MALRD1: variants seen among roughly 807,000 people sequenced by gnomAD.
The protein encoded by MALRD1 is MAM and LDL receptor class A domain containing 1.
Under a neutral mutation model 242.1 loss-of-function variants are expected in MALRD1, and 247 were observed. That is an observed-to-expected ratio of 1.02 (90% CI 0.92 to 1.13). MALRD1 has a LOEUF of 1.13. MALRD1 is among the 50% of genes most tolerant of loss of function. The pLI is 0.00. For synonymous variants in MALRD1, 995 were observed against 866.6 expected, an observed-to-expected ratio of 1.15 and a Z score of -2.60; for missense variants, 2,989 against 2,533.1, an observed-to-expected ratio of 1.18 and a Z score of -3.86.
At chr10:19,499,894 T>G (rs569581562) in intron 31 of MALRD1, among the ~76,000 whole-genome samples, 5 of 152,302 alleles carry the variant, frequency 3.3e-5, no homozygotes, top group African/African-American at 1.2e-4. Flanking sequence ...CCTAATTCCT[T>G]CTATATGGTG....
intron 30 of MALRD1, among the ~76,000 whole-genome samples, chr10:19,493,836 G>A (rs1057109983): frequency 1.3e-5 from 2 of 151,616 alleles, no homozygotes; most frequent in Admixed American, 6.6e-5. Context: ...CAAAAAACAC[G>A]ACAAAAGTGT....
intron 38 of MALRD1, among the ~76,000 whole-genome samples, chr10:19,718,000 CTAAATAAATAAA>C (rs751306181): frequency 2.3e-5 from 3 of 128,058 alleles, no homozygotes; most frequent in Admixed American, 1.5e-4. Flanking sequence ...GAGATTCTAC[CTAAATAAATAAA>C]TAAATAAATA....
rs368335051 is a variant in MALRD1, at chr10:19,214,059, A to G, written c.2991+4379A>G. ...GGGTGTTCTTTCCCCAACCATAGGT[A>G]CTTTTCTCTATGCCTGTCCTAACAA... On this transcript the variant is annotated intron_variant, in intron 18 of 39. Transcript: ENST00000454679. 5.6e-4 allele frequency among the ~76,000 whole-genome samples: 86 copies of G among 152,280 alleles called. 2 individuals are homozygous for G. Among genetic ancestry groups the G allele is most frequent in the African/African-American group, 2.0e-3 (85 of 41,554 alleles).
At chr10:19,335,740 G>A (rs1387306963) in intron 24 of MALRD1, among the ~76,000 whole-genome samples, 1 of 151,940 alleles carries the variant, frequency 6.6e-6, no homozygotes. Flanking sequence ...TACCATCTAG[G>A]AATAGCAGAA....
At chr10:19,586,265 G>T (rs1471547926) in intron 33 of MALRD1, among the ~76,000 whole-genome samples, 2 of 152,176 alleles carry the variant, frequency 1.3e-5, no homozygotes, top group Non-Finnish European at 2.9e-5. Context: ...TCTGTTGCTG[G>T]TGAGGAACTG....
intron 26 of MALRD1, among the ~76,000 whole-genome samples, chr10:19,374,543 C>T (rs1266790073): frequency 6.6e-6 from 1 of 152,192 alleles, no homozygotes; most frequent in East Asian, 1.9e-4. Context: ...CATCTTATTT[C>T]ATAAGTGATT....
intron 5 of MALRD1, among the ~76,000 whole-genome samples, chr10:19,113,432 C>T (rs1157757947): frequency 1.3e-5 from 2 of 151,922 alleles, no homozygotes; most frequent in Non-Finnish European, 2.9e-5. Flanking sequence ...CATTCCATGA[C>T]TTTTCTTTTT....
chr10:19,537,184 G>T (rs1358731466), intron 32 of MALRD1, among the ~76,000 whole-genome samples: 1 of 152,074 alleles, frequency 6.6e-6, no homozygotes, highest in Admixed American at 6.6e-5. Flanking sequence ...AAAAACCATG[G>T]GAAGCTATCG....
At chr10:19,411,916 C>G (rs1409993966) in intron 28 of MALRD1, among the ~76,000 whole-genome samples, 1 of 152,180 alleles carries the variant, frequency 6.6e-6, no homozygotes, top group African/African-American at 2.4e-5. Context: ...AAAGTATAAG[C>G]CTTGTGGGAC....
chr10:19,371,418 T>C (rs74121502), intron 26 of MALRD1, among the ~76,000 whole-genome samples: 2,465 of 152,324 alleles, frequency 0.016, 63 homozygotes, highest in African/African-American at 0.056. Flanking sequence ...TTTATCATCA[T>C]TGAACATGAC....
At chr10:19,365,531 T>C (rs1845069672) in intron 26 of MALRD1, among the ~76,000 whole-genome samples, 1 of 152,022 alleles carries the variant, frequency 6.6e-6, no homozygotes, top group South Asian at 2.1e-4. Flanking sequence ...TTTAAGCTTT[T>C]GTGATTTTCT....
At chr10:19,412,640 A>G (rs1451191362) in intron 28 of MALRD1, among the ~76,000 whole-genome samples, 2 of 152,224 alleles carry the variant, frequency 1.3e-5, no homozygotes, top group African/African-American at 2.4e-5. Flanking sequence ...TGAAGAATTG[A>G]TAACTTAAAC....
At chr10:19,347,254 C>T (rs931299602) in intron 24 of MALRD1, among the ~76,000 whole-genome samples, 1 of 152,126 alleles carries the variant, frequency 6.6e-6, no homozygotes, top group Admixed American at 6.6e-5. Flanking sequence ...TTAATTTCTG[C>T]AACTTATTTC....
intron 36 of MALRD1, among the ~76,000 whole-genome samples, chr10:19,632,608 T>C (rs2131652709): frequency 6.6e-6 from 1 of 152,224 alleles, no homozygotes; most frequent in South Asian, 2.1e-4. Context: ...ATTACCAACA[T>C]TGTTTCACTT....
At chr10:19,486,894 G>A (rs1433184892) in intron 29 of MALRD1, among the ~76,000 whole-genome samples, 1 of 152,096 alleles carries the variant, frequency 6.6e-6, no homozygotes, top group Non-Finnish European at 1.5e-5. Context: ...TCATGTTGGT[G>A]AGAGTTTGTT....
chr10:19,204,773 G>A (rs537645170), intron 16 of MALRD1, 125 bp from the exon 17 acceptor site: 357 of 1,029,512 alleles, frequency 3.5e-4, no homozygotes, highest in Non-Finnish European at 4.7e-4. Context: ...CAGTTATTGC[G>A]GGAAAGAAAA....
At chr10:19,433,286 A>T (rs1337228837) in intron 28 of MALRD1, among the ~76,000 whole-genome samples, 1 of 151,948 alleles carries the variant, frequency 6.6e-6, no homozygotes, top group East Asian at 1.9e-4. Flanking sequence ...GATTCCGCTG[A>T]AATGTGTAGA....
intron 38 of MALRD1, among the ~76,000 whole-genome samples, chr10:19,694,705 C>T (rs1036144962): frequency 1.3e-5 from 2 of 152,174 alleles, no homozygotes; most frequent in Non-Finnish European, 2.9e-5. Context: ...CCATTTGACC[C>T]AGCCATCCAT....
chr10:19,356,401 A>G (rs1422817378), intron 26 of MALRD1, among the ~76,000 whole-genome samples: 1 of 152,204 alleles, frequency 6.6e-6, no homozygotes, highest in African/African-American at 2.4e-5. Context: ...ATGAATTTCC[A>G]ATAGAGTCAC....
Sources: allele counts gnomAD v4.1 joint callset (sites outside exome capture counted in the v4.1 genomes callset), GRCh38; gene constraint gnomAD v4.1.1; transcripts MANE v1.5; gene names NCBI Gene and HGNC (gene_info 2026-07-23, HGNC 2026-07-21).